The following EIF3H variants were observed in gnomAD, a reference collection of about 807,000 sequenced individuals.
EIF3H encodes eIF-3-gamma.
In EIF3H, 26 loss-of-function variants were observed where a neutral mutation model predicts 44.2. The ratio of observed to expected loss-of-function variants is 0.59; its 90% CI spans 0.43 to 0.82. EIF3H has a LOEUF of 0.82. EIF3H is among the 40% of genes least tolerant of loss of function. The pLI is 0.00. For synonymous variants in EIF3H, 166 were observed against 151.9 expected, an observed-to-expected ratio of 1.09 and a Z score of -0.68; for missense variants, 359 against 432.8, an observed-to-expected ratio of 0.83 and a Z score of 1.51.
intron 1 of EIF3H, among the ~76,000 whole-genome samples, chr8:116,753,649 C>T (rs1056776365): frequency 1.3e-5 from 2 of 152,154 alleles, no homozygotes; most frequent in African/African-American, 2.4e-5. Context: ...CTTGACTAAG[C>T]ACCCTTGTGA....
intron 7 of EIF3H, 45 bp from the exon 8 acceptor site, chr8:116,645,148 G>C: frequency 6.9e-7 from 1 of 1,455,950 alleles, no homozygotes; most frequent in Non-Finnish European, 9.6e-7. Context: ...TCCACAAATT[G>C]TAAAATGATC....
chr8:116,646,821 A>G (rs540091575), intron 6 of EIF3H, among the ~76,000 whole-genome samples: 1 of 152,304 alleles, frequency 6.6e-6, no homozygotes, highest in African/African-American at 2.4e-5. Context: ...TCTAGCTCTA[A>G]GAGTCTATAA....
intron 2 of EIF3H, among the ~76,000 whole-genome samples, chr8:116,668,137 G>C (rs535284886): frequency 1.3e-5 from 2 of 152,284 alleles, no homozygotes; most frequent in African/African-American, 4.8e-5. Flanking sequence ...ACTACCTTCT[G>C]AGTAGACTTT....
chr8:116,743,961 C>A (rs911314930), intron 1 of EIF3H, among the ~76,000 whole-genome samples: 3 of 151,422 alleles, frequency 2.0e-5, no homozygotes, highest in Non-Finnish European at 4.4e-5. Context: ...CAGCACTGTC[C>A]AAGTACAAAA....
chr8:116,668,091 G>A (rs1000676683), intron 2 of EIF3H, among the ~76,000 whole-genome samples: 2 of 152,136 alleles, frequency 1.3e-5, no homozygotes, highest in Non-Finnish European at 2.9e-5. Context: ...GCCGTCAATT[G>A]TGACTACTTC....
At chr8:116,759,056 G>A (rs906050920), upstream of EIF3H, among the ~76,000 whole-genome samples, 1 of 152,122 alleles carries the variant, frequency 6.6e-6, no homozygotes, top group African/African-American at 2.4e-5. Flanking sequence ...AAAGATGGTT[G>A]GTCACAACCA....
chr8:116,741,454 T>C (rs1244302102), intron 1 of EIF3H, among the ~76,000 whole-genome samples: 2 of 152,258 alleles, frequency 1.3e-5, no homozygotes, highest in Non-Finnish European at 2.9e-5. Flanking sequence ...ATATTCTGTA[T>C]ACATATGTGT....
upstream of EIF3H, among the ~76,000 whole-genome samples, chr8:116,759,684 A>C (rs560184235): frequency 1.1e-4 from 16 of 152,122 alleles, no homozygotes; most frequent in African/African-American, 3.9e-4. Context: ...AGATGAGCCA[A>C]AAGATGTGTG....
intron 1 of EIF3H, among the ~76,000 whole-genome samples, chr8:116,731,063 A>G (rs1479657072): frequency 6.6e-6 from 1 of 152,248 alleles, no homozygotes. Context: ...AGCAAGGCTG[A>G]AAAAGACACA....
At chr8:116,712,094 A>ACTGCTGCTGCCGCCGCCGCCG (rs1554601081) in intron 2 of EIF3H, among the ~76,000 whole-genome samples, 1 of 152,194 alleles carries the variant, frequency 6.6e-6, no homozygotes, top group Non-Finnish European at 1.5e-5. Flanking sequence ...AATTTGTAGG[A>ACTGCTGCTGCCGCCGCCGCCG]CTGCTGCTGC....
At chr8:116,682,759 T>C (rs1199727608) in intron 2 of EIF3H, among the ~76,000 whole-genome samples, 2 of 152,234 alleles carry the variant, frequency 1.3e-5, no homozygotes, top group African/African-American at 2.4e-5. Context: ...GTAAAAGTCT[T>C]ACTTTCCAAT....
chr8:116,674,892 G>GT (rs202206930), intron 2 of EIF3H, among the ~76,000 whole-genome samples: 4,144 of 150,966 alleles, frequency 0.027, 83 homozygotes, highest in Non-Finnish European at 0.045. Flanking sequence ...AAAAAAAGTT[G>GT]TTTTTTTTTA....
At chr8:116,755,950 A>C, upstream of EIF3H, 1 of 1,536,704 alleles carries the variant, frequency 6.5e-7, no homozygotes, top group South Asian at 1.2e-5. Flanking sequence ...TTCCAGTTTT[A>C]CCTTCTTTCC....
chr8:116,709,625 C>A (rs1031438688), intron 2 of EIF3H, among the ~76,000 whole-genome samples: 1 of 152,186 alleles, frequency 6.6e-6, no homozygotes, highest in African/African-American at 2.4e-5. Flanking sequence ...TCATGTATAT[C>A]CTTGTTGGGT....
chr8:116,656,961 T>C (rs1004719722), intron 4 of EIF3H, among the ~76,000 whole-genome samples: 1 of 152,212 alleles, frequency 6.6e-6, no homozygotes, highest in Admixed American at 6.5e-5. Flanking sequence ...CATTTATTTC[T>C]TCGAATCCAG....
intron 1 of EIF3H, among the ~76,000 whole-genome samples, chr8:116,747,867 T>C (rs887987009): frequency 6.6e-6 from 1 of 152,178 alleles, no homozygotes; most frequent in Admixed American, 6.5e-5. Flanking sequence ...CCCAACATTT[T>C]GGGAGGCCAA....
At chr8:116,760,493 G>C (rs1465388241), upstream of EIF3H, among the ~76,000 whole-genome samples, 6 of 152,154 alleles carry the variant, frequency 3.9e-5, no homozygotes, top group East Asian at 9.6e-4. Context: ...ATTAGCATGT[G>C]GTCATTTTCT....
At chr8:116,755,612 G>C in intron 1 of EIF3H, 54 bp downstream of exon 1, 1 of 1,606,854 alleles carries the variant, frequency 6.2e-7, no homozygotes, top group Non-Finnish European at 8.5e-7. Context: ...CTGGTGGGAC[G>C]GGGCTGGGAA....
chr8:116,675,783 C>T (rs1322030561), intron 2 of EIF3H, among the ~76,000 whole-genome samples: 2 of 152,184 alleles, frequency 1.3e-5, no homozygotes, highest in African/African-American at 2.4e-5. Flanking sequence ...ACAAACTACC[C>T]TATTAATTGA....
Sources: allele counts gnomAD v4.1 joint callset (sites outside exome capture counted in the v4.1 genomes callset), GRCh38; gene constraint gnomAD v4.1.1; transcripts MANE v1.5; gene names NCBI Gene and HGNC (gene_info 2026-07-23, HGNC 2026-07-21).